Variants in PBX4 observed in about 807,000 individuals in gnomAD.
PBX4 encodes the protein PBX homeobox 4, also known as pre-B-cell leukemia transcription factor 4.
A neutral mutation model predicts 35.1 loss-of-function variants in PBX4; 26 were observed. The ratio of observed to expected loss-of-function variants is 0.74; its 90% confidence interval spans 0.54 to 1.03. The LOEUF (loss-of-function observed/expected upper bound fraction) is 1.03, where lower values mean the gene tolerates loss of function less well. PBX4 is among the 50% of genes least tolerant of loss of function. PBX4 has a pLI of 0.00. For synonymous variants in PBX4, 199 were observed against 204.2 expected, an observed-to-expected ratio of 0.97 and a Z score of 0.22; for missense variants, 448 against 504.3, an observed-to-expected ratio of 0.89 and a Z score of 1.07.
chr19:19,570,092 T>C lies in PBX4; in HGVS notation c.632+17A>G. 1 of 1,566,744 alleles carries C rather than the reference T, an allele frequency of 6.4e-7. No homozygotes were observed. Among genetic ancestry groups the C allele is most frequent in the South Asian group, 1.2e-5 (1 of 85,030 alleles). On this transcript the variant is annotated intron_variant, in intron 4 of 7. Transcript: ENST00000251203. ...CAGAGCCGGCCCTTGAGGTTTTGGG[T>C]ACGTACAGGCCCTGACCTGGCATCG...
chr19:19,610,431 TA>T (rs1251646201), intron 1 of PBX4, among the ~76,000 whole-genome samples: 5 of 149,514 alleles, frequency 3.3e-5, no homozygotes, highest in African/African-American at 1.2e-4. Flanking sequence ...ATAAAAAATT[TA>T]AAAAACTTAC....
At chr19:19,593,813 G>C (rs566141810) in intron 2 of PBX4, among the ~76,000 whole-genome samples, 2 of 152,132 alleles carry the variant, frequency 1.3e-5, no homozygotes, top group East Asian at 3.9e-4. Context: ...GCGGCCTTGG[G>C]ACTCAGCTTG....
At chr19:19,597,269 C>G (rs1226216513) in intron 2 of PBX4, among the ~76,000 whole-genome samples, 1 of 152,098 alleles carries the variant, frequency 6.6e-6, no homozygotes, top group Non-Finnish European at 1.5e-5. Context: ...ACATCATGTC[C>G]TCATAGCATT....
chr19:19,598,913 C>CTTTTT (rs34982058), intron 2 of PBX4, among the ~76,000 whole-genome samples: 2 of 112,592 alleles, frequency 1.8e-5, no homozygotes, highest in African/African-American at 6.7e-5. Flanking sequence ...CAGGAAGTGC[C>CTTTTT]TTTTTTTTTT....
chr19:19,609,766 G>A (rs2061652854), intron 1 of PBX4, among the ~76,000 whole-genome samples: 1 of 152,068 alleles, frequency 6.6e-6, no homozygotes, highest in African/African-American at 2.4e-5. Context: ...CAGGAGAATG[G>A]CGTGAACCCG....
At chr19:19,606,183 C>T (rs1396041101) in intron 1 of PBX4, among the ~76,000 whole-genome samples, 3 of 152,146 alleles carry the variant, frequency 2.0e-5, no homozygotes, top group Non-Finnish European at 4.4e-5. Context: ...TGCAATGTGC[C>T]AAAGGTGATG....
At chr19:19,566,188 C>A (rs541632661) in intron 5 of PBX4, among the ~76,000 whole-genome samples, 1 of 152,290 alleles carries the variant, frequency 6.6e-6, no homozygotes, top group African/African-American at 2.4e-5. Context: ...TGCAAACTGG[C>A]ACTGGAGTCC....
intron 2 of PBX4, 118 bp downstream of exon 2, chr19:19,599,174 G>C: frequency 1.3e-6 from 1 of 782,376 alleles, no homozygotes; most frequent in South Asian, 1.5e-5. Context: ...TCTCCATGTT[G>C]GTCAGGCTGG....
intron 2 of PBX4, among the ~76,000 whole-genome samples, chr19:19,586,802 G>C (rs1427421951): frequency 3.3e-5 from 5 of 151,700 alleles, no homozygotes; most frequent in African/African-American, 4.8e-5. Flanking sequence ...GTGGTGGCAT[G>C]CACCTGTAGT....
chr19:19,617,532 C>T (rs2061694710), intron 1 of PBX4, among the ~76,000 whole-genome samples: 3 of 152,112 alleles, frequency 2.0e-5, no homozygotes, highest in Non-Finnish European at 4.4e-5. Flanking sequence ...AATCCTCCTG[C>T]CTCAGCCTCC....
intron 2 of PBX4, among the ~76,000 whole-genome samples, chr19:19,583,423 C>T (rs2061468152): frequency 6.6e-6 from 1 of 151,954 alleles, no homozygotes; most frequent in Admixed American, 6.6e-5. Context: ...GCAGCCTGGG[C>T]AACATAGCAA....
chr19:19,598,500 C>G (rs989571454), intron 2 of PBX4, among the ~76,000 whole-genome samples: 2 of 151,840 alleles, frequency 1.3e-5, no homozygotes, highest in African/African-American at 4.8e-5. Context: ...GTTTCACCAT[C>G]TTGGCCAGGC....
intron 2 of PBX4, among the ~76,000 whole-genome samples, chr19:19,574,244 T>A (rs1475416693): frequency 6.6e-6 from 1 of 152,190 alleles, no homozygotes; most frequent in Non-Finnish European, 1.5e-5. Flanking sequence ...TCAGGATACA[T>A]CCCCTTGGGA....
chr19:19,605,839 G>T (rs2061627567), intron 1 of PBX4, among the ~76,000 whole-genome samples: 3 of 127,092 alleles, frequency 2.4e-5, no homozygotes, highest in East Asian at 4.8e-4. Flanking sequence ...AAGGCTCTAG[G>T]ATTTTTTTTT....
chr19:19,569,705 T>A, intron 4 of PBX4, 121 bp from the exon 5 acceptor site: 1 of 1,321,554 alleles, frequency 7.6e-7, no homozygotes, highest in African/African-American at 1.5e-5. Context: ...AGGTCAGGAG[T>A]TCGAGACCAG....
chr19:19,589,752 A>G (rs2061515045), intron 2 of PBX4, among the ~76,000 whole-genome samples: 1 of 152,140 alleles, frequency 6.6e-6, no homozygotes, highest in South Asian at 2.1e-4. Context: ...CCTGGGTGAC[A>G]GAGCGAGACT....
At chr19:19,604,242 G>A (rs1344861087) in intron 1 of PBX4, among the ~76,000 whole-genome samples, 2 of 151,908 alleles carry the variant, frequency 1.3e-5, no homozygotes, top group Non-Finnish European at 2.9e-5. Context: ...AGGCTGAGAT[G>A]GGGGGATCAC....
chr19:19,617,337 G>A (rs903160868), intron 1 of PBX4, among the ~76,000 whole-genome samples: 5 of 151,732 alleles, frequency 3.3e-5, no homozygotes, highest in Admixed American at 3.3e-4. Context: ...TTTGAGACAG[G>A]GTCTAGCTCT....
chr19:19,565,977 G>A (rs937029672), intron 5 of PBX4, among the ~76,000 whole-genome samples: 2 of 151,760 alleles, frequency 1.3e-5, no homozygotes, highest in Non-Finnish European at 1.5e-5. Context: ...TGCCCAGGCT[G>A]GTCTCAAACC....
Sources: gnomAD v4.1 joint callset for allele counts (sites outside exome capture counted in the v4.1 genomes callset) on GRCh38, gnomAD v4.1.1 for gene constraint, MANE v1.5 for transcripts, NCBI Gene and HGNC (gene_info 2026-07-23, HGNC 2026-07-21) for gene names.